Variants in ITGA9 observed in about 807,000 individuals in gnomAD.
ITGA9 encodes integrin subunit alpha 9, also known as integrin alpha-9.
ITGA9 carries 56 observed loss-of-function variants against 127.8 expected under a neutral mutation model. The ratio of observed to expected loss-of-function variants is 0.44; its 90% CI spans 0.35 to 0.55. The LOEUF (loss-of-function observed/expected upper bound fraction) is 0.55. Ranked by LOEUF, ITGA9 falls within the 20% of genes least tolerant of loss-of-function variation. The pLI is 0.00. For missense variants in ITGA9, 1,196 were observed against 1,347.1 expected, an observed-to-expected ratio of 0.89 and a Z score of 1.76; for synonymous variants, 508 against 514.5, an observed-to-expected ratio of 0.99 and a Z score of 0.17.
rs189957455 is a variant in ITGA9 at position 37,472,592 on chromosome 3, C to T, written c.314-762C>T. Among the ~76,000 whole-genome samples, 42 of 152,070 alleles carry T rather than the reference C, an allele frequency of 2.8e-4. No individual in the cohort carries two copies. The East Asian group carries it at 7.8e-3, about 28-fold the overall frequency. ...TGTGTTTTTAGTGGAGACGGGGTTTCGCCATGTTGGCCAGGCTGGTCTCGA... is the reference window on the plus strand; with the variant it reads ...TGTGTTTTTAGTGGAGACGGGGTTTTGCCATGTTGGCCAGGCTGGTCTCGA... On this transcript the variant is annotated intron_variant, in intron 2 of 27. Coordinates refer to ENST00000264741, the MANE Select transcript of ITGA9 (RefSeq NM_002207.3).
intron 15 of ITGA9, among the ~76,000 whole-genome samples, chr3:37,550,254 G>T (rs1479380041): frequency 2.0e-5 from 3 of 152,126 alleles, no homozygotes. Flanking sequence ...CTTATTATAT[G>T]CCAGATACTC....
At chr3:37,473,805 A>G (rs980737984) in intron 3 of ITGA9, among the ~76,000 whole-genome samples, 3 of 152,198 alleles carry the variant, frequency 2.0e-5, no homozygotes, top group Non-Finnish European at 4.4e-5. Context: ...ACAATTGTAC[A>G]CACCTGTGTA....
rs554316129 is a variant in ITGA9, at chr3:37,636,675, G to T, written c.1839+7339G>T. On this transcript the variant is annotated intron_variant, in intron 16 of 27. Transcript: ENST00000264741. ...ATCAATTTTGGCTTATGTTGCCATT[G>T]CTTTTGGTGATTTAGACATGAAGTC... 1.6e-4 allele frequency among the ~76,000 whole-genome samples: 24 copies of T among 152,306 alleles called. No homozygotes were observed. The East Asian group carries it at 4.1e-3, about 26-fold the overall frequency.
At chr3:37,659,983 AACAC>A (rs10694969) in intron 17 of ITGA9, among the ~76,000 whole-genome samples, 5 of 150,038 alleles carry the variant, frequency 3.3e-5, no homozygotes, top group South Asian at 2.1e-4. Flanking sequence ...AAGATGATGT[AACAC>A]ACACACACAC....
At chr3:37,763,839 C>A (rs918322217) in intron 23 of ITGA9, among the ~76,000 whole-genome samples, 5 of 152,186 alleles carry the variant, frequency 3.3e-5, no homozygotes, top group African/African-American at 4.8e-5. Flanking sequence ...CTCGCCTTCA[C>A]CCTCAATTTT....
At chr3:37,595,609 T>G (rs193245564) in intron 15 of ITGA9, among the ~76,000 whole-genome samples, 1 of 152,330 alleles carries the variant, frequency 6.6e-6, no homozygotes, top group East Asian at 1.9e-4. Flanking sequence ...TTGACTCAGA[T>G]CCCCTTGACC....
At chr3:37,595,131 A>T (rs1327318036) in intron 15 of ITGA9, among the ~76,000 whole-genome samples, 3 of 151,538 alleles carry the variant, frequency 2.0e-5, no homozygotes, top group African/African-American at 2.4e-5. Context: ...TTGAGACAGG[A>T]TCTCACTCTG....
At chr3:37,641,852 T>G (rs1054428632) in intron 16 of ITGA9, among the ~76,000 whole-genome samples, 11 of 152,220 alleles carry the variant, frequency 7.2e-5, no homozygotes, top group African/African-American at 2.7e-4. Flanking sequence ...GCTTTTCCCG[T>G]GGCCAGCTCT....
intron 13 of ITGA9, among the ~76,000 whole-genome samples, chr3:37,527,462 T>C (rs1390862450): frequency 6.6e-6 from 1 of 152,244 alleles, no homozygotes; most frequent in African/African-American, 2.4e-5. Context: ...GTGTCTTTTA[T>C]ATAGCAACCC....
chr3:37,475,752 C>T (rs1238079724), intron 3 of ITGA9, among the ~76,000 whole-genome samples: 1 of 152,178 alleles, frequency 6.6e-6, no homozygotes, highest in African/African-American at 2.4e-5. Context: ...TAAAACTTAC[C>T]ACCTTAACCA....
intron 16 of ITGA9, among the ~76,000 whole-genome samples, chr3:37,641,247 C>T (rs1700330479): frequency 6.6e-6 from 1 of 152,178 alleles, no homozygotes; most frequent in Non-Finnish European, 1.5e-5. Context: ...CTCACAGGAA[C>T]ATGAACCCTA....
At chr3:37,535,744 T>C (rs1483971975) in intron 14 of ITGA9, among the ~76,000 whole-genome samples, 20 of 152,208 alleles carry the variant, frequency 1.3e-4, no homozygotes, top group Admixed American at 1.3e-3. Flanking sequence ...AAGGGTGTGT[T>C]TCCCCGATAA....
intron 19 of ITGA9, 44 bp from the exon 20 acceptor site, chr3:37,736,860 T>G (rs200410302): frequency 7.8e-7 from 1 of 1,287,130 alleles, no homozygotes; most frequent in Non-Finnish European, 1.1e-6. Context: ...CAGTTTAAGT[T>G]TGGAATGCCT....
At chr3:37,668,330 T>C (rs1700605007) in intron 17 of ITGA9, among the ~76,000 whole-genome samples, 1 of 152,192 alleles carries the variant, frequency 6.6e-6, no homozygotes, top group African/African-American at 2.4e-5. Context: ...CAGGTGTGCC[T>C]GATAAAATTT....
At chr3:37,698,417 T>G (rs1253190305) in intron 18 of ITGA9, among the ~76,000 whole-genome samples, 3 of 152,232 alleles carry the variant, frequency 2.0e-5, no homozygotes, top group Non-Finnish European at 4.4e-5. Flanking sequence ...TGCCTATGCC[T>G]ATGTCCTGAA....
chr3:37,654,232 T>A (rs917087354), intron 17 of ITGA9, among the ~76,000 whole-genome samples: 5 of 118,940 alleles, frequency 4.2e-5, no homozygotes, highest in African/African-American at 7.4e-5. Context: ...ACACACACAC[T>A]AGTGTATGTT....
At position 37,597,118 on chromosome 3, in the gene ITGA9, A is replaced by G. The variant is rs758420514; in HGVS notation, c.1690-32069A>G. On this transcript the variant is annotated intron_variant, in intron 15 of 27. Coordinates refer to ENST00000264741, the MANE Select transcript of ITGA9 (RefSeq NM_002207.3). This position sits in a 1 kb window ranked among gnomAD's most constrained non-coding sequence, Gnocchi z 4.6. Reference sequence around the variant, plus strand: ...AGGGCCAAGTTGGAAGAGGCGAGGAAGTTTAACTTTAAATGAAATTTGGAG... The same window carrying G: ...AGGGCCAAGTTGGAAGAGGCGAGGAGGTTTAACTTTAAATGAAATTTGGAG... Among the ~76,000 whole-genome samples the G allele has an allele frequency of 6.6e-6, 1 of 152,192 alleles. No homozygotes were observed. The highest frequency in any genetic ancestry group is 1.5e-5 in the Non-Finnish European group (1 of 68,028).
chr3:37,617,545 T>C (rs1700086542), intron 15 of ITGA9, among the ~76,000 whole-genome samples: 1 of 152,232 alleles, frequency 6.6e-6, no homozygotes, highest in Non-Finnish European at 1.5e-5. Context: ...CTGGATAATA[T>C]CCTGCAGAGT....
At chr3:37,657,785 A>G (rs1452854278) in intron 17 of ITGA9, among the ~76,000 whole-genome samples, 2 of 152,162 alleles carry the variant, frequency 1.3e-5, no homozygotes, top group Middle Eastern at 3.4e-3. Flanking sequence ...TTATGAAGTT[A>G]GGGTGTCAAT....
Sources: allele counts gnomAD v4.1 joint callset (sites outside exome capture counted in the v4.1 genomes callset), GRCh38; gene constraint gnomAD v4.1.1; non-coding constraint Gnocchi (gnomAD v3.1); transcripts MANE v1.5; gene names NCBI Gene and HGNC (gene_info 2026-07-23, HGNC 2026-07-21).